Variants in CRYBG3 observed in about 807,000 individuals in gnomAD.
CRYBG3 encodes the protein very large A-kinase anchor protein.
A neutral mutation model predicts 244.2 loss-of-function variants in CRYBG3; 127 were observed. The ratio of observed to expected loss-of-function variants is 0.52; its 90% CI spans 0.45 to 0.60. The LOEUF (loss-of-function observed/expected upper bound fraction) is 0.60, where lower values mean the gene tolerates loss of function less well. CRYBG3 is among the 20% of genes least tolerant of loss of function. The pLI is 0.00. For missense variants in CRYBG3, 3,325 were observed against 3,442.5 expected (o/e 0.97, Z 0.85); for synonymous variants, 1,132 against 1,195.8 (o/e 0.95, Z 1.10).
rs369549098 is a variant in CRYBG3, at chr3:97,877,303, C to T, written c.6109C>T (p.Leu2037=). The T allele has an allele frequency of 2.5e-6, 4 of 1,613,978 alleles. 1 individual carries two copies. The highest frequency in any genetic ancestry group is 3.4e-6 in the Non-Finnish European group (4 of 1,180,020). Residue 2037 remains leucine, a synonymous_variant, in exon 4 of 22, where the codon CTG becomes TTG. Coordinates refer to ENST00000389622, the MANE Select transcript of CRYBG3 (RefSeq NM_153605.4). ...TACGTCCGCTGACAGCATGCCTGTT[C>T]TGGCATGTGAAAGGTCTGAGAGTAG... ...HDTSADSMPV[L]ACERSESRTD...
intron 17 of CRYBG3, among the ~76,000 whole-genome samples, chr3:97,920,112 A>G (rs111741147): frequency 1.0e-3 from 156 of 152,192 alleles, no homozygotes; most frequent in African/African-American, 3.3e-3. Context: ...GCACAATAAC[A>G]CCATTGCTGA....
chr3:97,905,515 T>C (rs2039761944), intron 15 of CRYBG3, among the ~76,000 whole-genome samples: 5 of 152,274 alleles, frequency 3.3e-5, no homozygotes, highest in African/African-American at 1.2e-4. Context: ...CATTTTTTCA[T>C]GTGTGTTTTG....
chr3:97,928,551 G>C (rs940148743), intron 17 of CRYBG3, among the ~76,000 whole-genome samples: 3 of 151,658 alleles, frequency 2.0e-5, no homozygotes, highest in Non-Finnish European at 2.9e-5. Flanking sequence ...CCCCAGAACA[G>C]AAAATAAAAG....
chr3:97,822,405 A>G (rs1463413038), intron 1 of CRYBG3, 50 bp downstream of exon 1: 1 of 1,410,584 alleles, frequency 7.1e-7, no homozygotes, highest in Admixed American at 2.7e-5. Context: ...TATTCGCGGG[A>G]TGAAGGCTCC....
chr3:97,888,406 T>C lies in CRYBG3; in HGVS notation c.7355T>C (p.Leu2452Pro). The C allele has an allele frequency of 6.2e-7, 1 of 1,613,154 alleles. No homozygotes were observed. Among genetic ancestry groups the C allele is most frequent in the Non-Finnish European group, 8.5e-7 (1 of 1,179,290 alleles). ...QATVLEEDHG[L>P]FEISTAEMKS... ...ACAGTTCTGGAGGAAGACCATGGGC[T>C]CTTTGAGATTTCTACAGCAGAAATG... Residue 2452 changes from leucine (L) to proline (P), a missense_variant, in exon 9 of 22, where the codon CTC becomes CCC. Leu to Pro is a moderately conservative substitution (Grantham distance 98, BLOSUM62 -3). Around this residue, in one of 4 missense-constraint regions of CRYBG3, gnomAD observed 714 missense variants for 803.6 expected, o/e 0.89. Transcript: ENST00000389622.
At chr3:97,827,178 CT>C (rs1185098074) in intron 1 of CRYBG3, among the ~76,000 whole-genome samples, 1 of 151,344 alleles carries the variant, frequency 6.6e-6, no homozygotes, top group Non-Finnish European at 1.5e-5. Context: ...AGTGGCAGTG[CT>C]TTTTTTTTGA....
chr3:97,856,460 A>G (rs1184023804), intron 2 of CRYBG3, among the ~76,000 whole-genome samples: 1 of 152,218 alleles, frequency 6.6e-6, no homozygotes, highest in Non-Finnish European at 1.5e-5. Flanking sequence ...TCACAATGGT[A>G]TTGATTGGGG....
intron 15 of CRYBG3, among the ~76,000 whole-genome samples, chr3:97,911,407 A>G (rs1223227970): frequency 2.6e-5 from 4 of 152,124 alleles, no homozygotes; most frequent in African/African-American, 9.7e-5. Flanking sequence ...AGATTATTAT[A>G]TATCTGGTCT....
chr3:97,822,082 C>A lies in CRYBG3; in HGVS notation c.-125C>A. The A allele has an allele frequency of 1.3e-6, 1 of 760,282 alleles. No individual in the cohort carries two copies. The highest frequency in any genetic ancestry group is 1.8e-5 in the African/African-American group (1 of 55,782). The allele number at this position is 760,282 out of a possible 1,614,324, so 47.1% of individuals were successfully genotyped here. ...CCTGCCCGAGAGAGACTGAGCCGCG[C>A]TGGCAGCTCGCGTCGAGTCGGTCTG... On this transcript the variant is annotated 5_prime_UTR_variant, in exon 1 of 22. The change creates a new upstream start codon in the 5' untranslated region. Coordinates refer to ENST00000389622, the MANE Select transcript of CRYBG3 (RefSeq NM_153605.4).
chr3:97,937,027 A>C, intron 19 of CRYBG3, 119 bp downstream of exon 19: 6 of 1,069,900 alleles, frequency 5.6e-6, no homozygotes, highest in Non-Finnish European at 8.1e-6. Context: ...TAGTAGGGGG[A>C]GTGAATTAGG....
intron 20 of CRYBG3, 112 bp from the exon 21 acceptor site, chr3:97,942,172 G>T: frequency 2.4e-6 from 2 of 835,394 alleles, no homozygotes; most frequent in Non-Finnish European, 1.8e-6. Flanking sequence ...TTTTAGATAA[G>T]ACACACACAC....
At chr3:97,882,608 A>G (rs1455600806) in intron 7 of CRYBG3, among the ~76,000 whole-genome samples, 5 of 152,200 alleles carry the variant, frequency 3.3e-5, no homozygotes, top group Non-Finnish European at 7.3e-5. Flanking sequence ...GATTTCCTTC[A>G]TAATATGTGA....
At chr3:97,831,235 G>A (rs374976666) in intron 1 of CRYBG3, among the ~76,000 whole-genome samples, 2 of 152,162 alleles carry the variant, frequency 1.3e-5, no homozygotes, top group African/African-American at 2.4e-5. Flanking sequence ...GACAAAGTCT[G>A]TTGGGCCCAC....
intron 15 of CRYBG3, among the ~76,000 whole-genome samples, chr3:97,911,574 C>A (rs2039872392): frequency 1.3e-5 from 2 of 152,194 alleles, no homozygotes; most frequent in Admixed American, 1.3e-4. Flanking sequence ...ATCTTTCTTT[C>A]TTCACCAGAA....
At chr3:97,880,639 C>T (rs944748000) in intron 6 of CRYBG3, among the ~76,000 whole-genome samples, 2 of 152,202 alleles carry the variant, frequency 1.3e-5, no homozygotes, top group African/African-American at 4.8e-5. Context: ...GGTCAGCATT[C>T]ATGTCTTAAA....
At chr3:97,853,406 TACAC>T (rs57065921) in intron 2 of CRYBG3, among the ~76,000 whole-genome samples, 64,627 of 147,556 alleles carry the variant, frequency 0.44, 14,431 homozygotes, top group East Asian at 0.64. Context: ...ACACATACAA[TACAC>T]ACACACACAC....
In CRYBG3 at chr3:97,876,093, A is replaced by C; in HGVS notation, c.4899A>C (p.Lys1633Asn). The C allele has an allele frequency of 5.7e-6, 7 of 1,231,858 alleles. No individual in the cohort carries two copies. Among genetic ancestry groups the C allele is most frequent in the Non-Finnish European group, 6.1e-6 (6 of 987,830 alleles). The allele number at this position is 1,231,858 out of a possible 1,614,324, so 76.3% of individuals were successfully genotyped here. A position where few individuals can be genotyped will look rare whatever the true frequency, so the allele number is the denominator to read the frequency against. ...AGGATACTGAAGGGGATATTGGCAA[A>C]ATTGAGGTGATACCTATGATGCCAG... ...KMKDTEGDIG[K>N]IEVIPMMPEV... Residue 1633 changes from lysine to asparagine, a missense_variant, in exon 4 of 22, where the codon AAA (lysine) becomes AAC (asparagine). Transcript: ENST00000389622.
intron 1 of CRYBG3, among the ~76,000 whole-genome samples, chr3:97,826,153 A>C (rs1237301233): frequency 2.6e-5 from 4 of 152,180 alleles, no homozygotes; most frequent in Non-Finnish European, 5.9e-5. Flanking sequence ...TACTCTTGGC[A>C]GCAGAGTCAA....
intron 17 of CRYBG3, among the ~76,000 whole-genome samples, chr3:97,929,076 G>C (rs543126300): frequency 6.6e-6 from 1 of 151,808 alleles, no homozygotes; most frequent in Non-Finnish European, 1.5e-5. Context: ...CAATTTGGTC[G>C]AGTATTCTTT....
Sources: gnomAD v4.1 joint callset for allele counts (sites outside exome capture counted in the v4.1 genomes callset) on GRCh38, gnomAD v4.1.1 for gene constraint, gnomAD v4.1.1 regional missense constraint, MANE v1.5 for transcripts, NCBI Gene and HGNC (gene_info 2026-07-23, HGNC 2026-07-21) for gene names.